Variants in HTR2C observed in about 807,000 individuals in gnomAD.
HTR2C encodes 5-hydroxytryptamine (serotonin) receptor 2C, G protein-coupled.
In HTR2C, 5 loss-of-function variants were observed where a neutral mutation model predicts 21.0. The observed-to-expected ratio is 0.24, with a 90% CI of 0.12 to 0.50. HTR2C has a LOEUF of 0.50. Ranked by LOEUF, HTR2C falls within the 20% of genes least tolerant of loss-of-function variation. HTR2C has a pLI of 0.98. For missense variants in HTR2C, 271 were observed against 371.2 expected (o/e 0.73, Z 2.22); for synonymous variants, 150 against 145.3 (o/e 1.03, Z -0.23).
chrX:114,835,467 T>C (rs1238925560), intron 4 of HTR2C, among the ~76,000 whole-genome samples: 5 of 108,207 alleles, frequency 4.6e-5, no homozygotes, highest in South Asian at 4.2e-4. Flanking sequence ...CATCTTCCAT[T>C]GCTGATACCC....
chrX:114,769,972 A>T (rs2069984276), intron 4 of HTR2C, among the ~76,000 whole-genome samples: 1 of 111,580 alleles, frequency 9.0e-6, no homozygotes, highest in African/African-American at 3.3e-5. Flanking sequence ...TTTAAGAAAT[A>T]GTTTTACTGG....
intron 2 of HTR2C, among the ~76,000 whole-genome samples, chrX:114,693,941 T>G (rs2147862435): frequency 9.0e-6 from 1 of 111,533 alleles, no homozygotes; most frequent in African/African-American, 3.3e-5. Flanking sequence ...GCCTTATGGC[T>G]GAAGTCTCTC....
chrX:114,773,711 G>A (rs1345446214), intron 4 of HTR2C, among the ~76,000 whole-genome samples: 1 of 112,237 alleles, frequency 8.9e-6, no homozygotes. Context: ...TGCAACCACA[G>A]AATCTATTCA....
At chrX:114,784,400 T>G (rs1252781062) in intron 4 of HTR2C, among the ~76,000 whole-genome samples, 1 of 111,350 alleles carries the variant, frequency 9.0e-6, no homozygotes, top group Admixed American at 9.6e-5. Flanking sequence ...CCAAGGAAAT[T>G]ACCACACATT....
At chrX:114,833,428 T>G (rs868935499) in intron 4 of HTR2C, among the ~76,000 whole-genome samples, 68 of 111,018 alleles carry the variant, frequency 6.1e-4, no homozygotes, top group African/African-American at 1.7e-3. Context: ...TTTAGTCTTG[T>G]GAGAGTGTAT....
intron 1 of HTR2C, among the ~76,000 whole-genome samples, chrX:114,600,656 T>C (rs782043050): frequency 9.0e-6 from 1 of 111,564 alleles, no homozygotes; most frequent in Non-Finnish European, 1.9e-5. Flanking sequence ...AAAAGGCAGT[T>C]ATAATAACAC....
chrX:114,829,803 T>C (rs2070705490), intron 4 of HTR2C, among the ~76,000 whole-genome samples: 1 of 111,653 alleles, frequency 9.0e-6, no homozygotes, highest in South Asian at 3.8e-4. Context: ...AATAGGTTTA[T>C]TTCTGGCCTC....
At chrX:114,735,080 G>A (rs937076857) in intron 4 of HTR2C, among the ~76,000 whole-genome samples, 9 of 110,791 alleles carry the variant, frequency 8.1e-5, no homozygotes, top group South Asian at 3.8e-4. Context: ...CTAGGCGGGC[G>A]GATCACTTGT....
chrX:114,845,131 G>T (rs782164067), intron 4 of HTR2C, among the ~76,000 whole-genome samples: 134 of 110,786 alleles, frequency 1.2e-3, no homozygotes, highest in Non-Finnish European at 1.8e-3. Flanking sequence ...CAAAACAAAT[G>T]TCAATACATT....
intron 2 of HTR2C, among the ~76,000 whole-genome samples, chrX:114,669,926 C>T (rs952368812): frequency 3.6e-5 from 4 of 111,957 alleles, no homozygotes; most frequent in South Asian, 3.7e-4. Flanking sequence ...TAATTGGCCT[C>T]AGATCACACA....
intron 2 of HTR2C, among the ~76,000 whole-genome samples, chrX:114,685,659 C>A (rs997299552): frequency 2.7e-5 from 3 of 111,764 alleles, no homozygotes; most frequent in Non-Finnish European, 5.6e-5. Flanking sequence ...ATACGTTTAT[C>A]TAAAGCAGGT....
At chrX:114,834,834 C>T (rs1271105335) in intron 4 of HTR2C, among the ~76,000 whole-genome samples, 23 of 108,700 alleles carry the variant, frequency 2.1e-4, no homozygotes, top group African/African-American at 5.7e-4. Context: ...GATTTTGCAG[C>T]GGCTGGTACC....
intron 4 of HTR2C, among the ~76,000 whole-genome samples, chrX:114,834,642 G>T (rs1441121206): frequency 2.9e-5 from 3 of 104,087 alleles, no homozygotes; most frequent in Non-Finnish European, 5.9e-5. Flanking sequence ...ACACTGATGG[G>T]TCTTGACTCT....
chrX:114,824,331 A>C (rs1414180464), intron 4 of HTR2C, among the ~76,000 whole-genome samples: 1 of 111,995 alleles, frequency 8.9e-6, no homozygotes, highest in Non-Finnish European at 1.9e-5. Flanking sequence ...AATCCAGCCA[A>C]TCCTAGCGGC....
At chrX:114,741,746 C>T (rs782007164) in intron 4 of HTR2C, among the ~76,000 whole-genome samples, 1 of 107,646 alleles carries the variant, frequency 9.3e-6, no homozygotes, top group Non-Finnish European at 1.9e-5. Flanking sequence ...AAAACTATCT[C>T]TTCTTTTGTA....
intron 2 of HTR2C, among the ~76,000 whole-genome samples, chrX:114,627,715 C>T (rs782623664): frequency 8.9e-6 from 1 of 111,743 alleles, no homozygotes; most frequent in South Asian, 3.8e-4. Context: ...CCCATGCAGG[C>T]CCTTGCACAT....
intron 4 of HTR2C, among the ~76,000 whole-genome samples, chrX:114,843,958 C>A (rs1212746352): frequency 1.8e-5 from 2 of 110,645 alleles, no homozygotes; most frequent in African/African-American, 6.6e-5. Flanking sequence ...GAGTTAATTA[C>A]TAGTGGACCT....
chrX:114,819,678 G>T (rs182576436), intron 4 of HTR2C, among the ~76,000 whole-genome samples: 2 of 112,686 alleles, frequency 1.8e-5, no homozygotes, highest in Non-Finnish European at 3.8e-5. Flanking sequence ...ATAGTCAGTG[G>T]TCTTATCTGG....
intron 2 of HTR2C, among the ~76,000 whole-genome samples, chrX:114,641,089 A>G (rs1177911058): frequency 2.0e-5 from 1 of 49,706 alleles, no homozygotes; most frequent in Non-Finnish European, 3.9e-5. Context: ...TCTTTCTTTC[A>G]TCTGTGTATT....
Sources: gnomAD v4.1 joint callset for allele counts (sites outside exome capture counted in the v4.1 genomes callset) on GRCh38, gnomAD v4.1.1 for gene constraint, MANE v1.5 for transcripts, NCBI Gene and HGNC (gene_info 2026-07-23, HGNC 2026-07-21) for gene names.